The following MEGF6 variants were observed in gnomAD, a reference collection of about 807,000 sequenced individuals.
MEGF6 encodes multiple epidermal growth factor-like domains protein 6.
MEGF6 carries 184 observed loss-of-function variants against 207.1 expected under a neutral mutation model. The observed-to-expected ratio is 0.89, with a 90% CI of 0.79 to 1.00. The LOEUF is 1.00. Among genes scored for constraint, MEGF6 ranks in the 50% least tolerant of loss-of-function variants. The pLI is 0.00. For missense variants in MEGF6, 2,282 were observed against 2,202.9 expected (o/e 1.04, Z -0.72); for synonymous variants, 1,038 against 910.0 (o/e 1.14, Z -2.53).
At chr1:3,518,876 C>T (rs1048935956) in intron 5 of MEGF6, among the ~76,000 whole-genome samples, 1 of 152,204 alleles carries the variant, frequency 6.6e-6, no homozygotes, top group Admixed American at 6.5e-5. Context: ...CCCCTCCAGG[C>T]GGGCCTGCCC....
chr1:3,586,543 G>C (rs1031031060), intron 3 of MEGF6, among the ~76,000 whole-genome samples: 2 of 152,128 alleles, frequency 1.3e-5, no homozygotes, highest in African/African-American at 4.8e-5. Context: ...GGGGGTCACA[G>C]TGGGACAGCA....
In MEGF6 at chr1:3,556,814, G is replaced by A. The variant is rs150112451; in HGVS notation, c.481+23011C>T. ...TCCCAACCACACGCGCTCACAGACC[G>A]GAGAATGTTAAAAACTGCCGAGCCT... On this transcript the variant is annotated intron_variant, in intron 4 of 36. Coordinates refer to ENST00000356575, the MANE Select transcript of MEGF6 (RefSeq NM_001409.4). The surrounding 1 kb of genome is among the most constrained non-coding windows in gnomAD (Gnocchi z 4.4). Among the ~76,000 whole-genome samples the A allele has an allele frequency of 7.9e-5, 12 of 152,294 alleles. No individual in the cohort carries two copies. The highest frequency in any genetic ancestry group is 3.9e-4 in the East Asian group (2 of 5,180).
chr1:3,512,212 G>C, intron 7 of MEGF6, 84 bp from the exon 8 acceptor site: 3 of 1,498,560 alleles, frequency 2.0e-6, no homozygotes, highest in South Asian at 2.7e-5. Context: ...TGCACGGCCT[G>C]CTGACACCCA....
chr1:3,523,464 G>C (rs10797398), intron 5 of MEGF6, among the ~76,000 whole-genome samples: 110,934 of 151,974 alleles, frequency 0.73, 40,617 homozygotes, highest in South Asian at 0.78. Flanking sequence ...GTCCGTGTCC[G>C]CGACACCTCC....
chr1:3,489,587 C>T lies in MEGF6; in HGVS notation c.*941G>A, dbSNP rs947660087. On this transcript the variant is annotated 3_prime_UTR_variant, in exon 37 of 37. Coordinates refer to ENST00000356575, the MANE Select transcript of MEGF6 (RefSeq NM_001409.4). ...CCCCTGCGATGCTGCCCTCCCCCCA[C>T]TGCTGATGCTCAGGTAGGGGTGGGT... is the stretch of plus-strand genomic sequence containing the variant. Among the ~76,000 whole-genome samples, 5 of 152,206 alleles carry T rather than the reference C, an allele frequency of 3.3e-5. No homozygotes were observed. The highest frequency in any genetic ancestry group is 2.0e-4 in the Admixed American group (3 of 15,286).
Position 3,496,029 on chromosome 1 carries a change from G to C in MEGF6, c.3743-11C>G. On this transcript the variant is annotated splice_polypyrimidine_tract_variant and intron_variant, in intron 29 of 36. Transcript: ENST00000356575. Reference sequence around the variant, plus strand: ...GGCCCTGCGGACAGGCTGCCGGGGAGGAAGTGGTGATCGTGGCTGGCTTCC... The same window carrying C: ...GGCCCTGCGGACAGGCTGCCGGGGACGAAGTGGTGATCGTGGCTGGCTTCC... 1 of 1,507,414 alleles carries C rather than the reference G, an allele frequency of 6.6e-7. No individual in the cohort carries two copies. The highest frequency in any genetic ancestry group is 1.3e-5 in the South Asian group (1 of 77,814). The allele number at this position is 1,507,414 out of a possible 1,614,324, so 93.4% of individuals were successfully genotyped here.
upstream of MEGF6, among the ~76,000 whole-genome samples, chr1:3,611,682 C>T (rs546659827): frequency 0.01 from 1,497 of 147,782 alleles, 29 homozygotes; most frequent in African/African-American, 0.036. Context: ...TGTACTTGCC[C>T]GTATCCCTCA....
At chr1:3,522,852 G>C (rs1305055226) in intron 5 of MEGF6, among the ~76,000 whole-genome samples, 1 of 152,188 alleles carries the variant, frequency 6.6e-6, no homozygotes. Context: ...CCCCCCAAGA[G>C]CTGCCTCTTC....
At chr1:3,491,738 C>A (rs902828843) in intron 35 of MEGF6, among the ~76,000 whole-genome samples, 13 of 143,086 alleles carry the variant, frequency 9.1e-5, no homozygotes, top group Non-Finnish European at 1.4e-4. Context: ...CAGAGACAAC[C>A]TTTCCCAACA....
intron 1 of MEGF6, 72 bp from the exon 2 acceptor site, chr1:3,602,672 C>A: frequency 6.5e-7 from 1 of 1,535,182 alleles, no homozygotes; most frequent in Admixed American, 1.9e-5. Flanking sequence ...CCTGCACCCC[C>A]AGCCTTGGGT....
intron 5 of MEGF6, among the ~76,000 whole-genome samples, chr1:3,517,406 C>G (rs926008917): frequency 2.0e-5 from 3 of 152,224 alleles, no homozygotes; most frequent in Admixed American, 2.0e-4. Flanking sequence ...CCCCCCAGAG[C>G]CTGTCCTCTT....
intron 4 of MEGF6, among the ~76,000 whole-genome samples, chr1:3,577,537 G>A (rs1231437408): frequency 6.6e-6 from 1 of 152,242 alleles, no homozygotes; most frequent in Non-Finnish European, 1.5e-5. Context: ...AGCTGATGAG[G>A]TGACGCAGGC....
chr1:3,549,138 T>C (rs1381328084), intron 4 of MEGF6, among the ~76,000 whole-genome samples: 1 of 152,146 alleles, frequency 6.6e-6, no homozygotes, highest in Non-Finnish European at 1.5e-5. Context: ...AGCCAGACCA[T>C]GCAAGCTCTG....
intron 4 of MEGF6, among the ~76,000 whole-genome samples, chr1:3,574,762 C>T (rs1643596680): frequency 6.6e-6 from 1 of 152,224 alleles, no homozygotes; most frequent in Non-Finnish European, 1.5e-5. Flanking sequence ...CCTGCCTCAG[C>T]CTCCTGGGTA....
At chr1:3,619,007 G>T in the MEGF6 span, among the ~76,000 whole-genome samples, 2 of 152,198 alleles carry the variant, frequency 1.3e-5, no homozygotes, top group Non-Finnish European at 1.5e-5. Flanking sequence ...GCACAGGCAG[G>T]ACCCACTGAT....
chr1:3,542,517 T>C (rs1230416344), intron 4 of MEGF6, among the ~76,000 whole-genome samples: 1 of 151,916 alleles, frequency 6.6e-6, no homozygotes, highest in Non-Finnish European at 1.5e-5. Flanking sequence ...CCGAGGACCA[T>C]GGTCAAGAGG....
chr1:3,523,385 C>T (rs563941166), intron 5 of MEGF6, among the ~76,000 whole-genome samples: 3 of 152,286 alleles, frequency 2.0e-5, no homozygotes, highest in South Asian at 4.1e-4. Flanking sequence ...CCCTGCTCAG[C>T]CCTGTGCCGG....
chr1:3,491,128 TG>T (rs34728586), intron 35 of MEGF6, among the ~76,000 whole-genome samples, 169 bp from the exon 36 acceptor site: 18,339 of 129,504 alleles, frequency 0.14, 2,328 homozygotes, highest in African/African-American at 0.33. Context: ...GGGCGGGAGC[TG>T]GGGGGGGGGG....
intron 3 of MEGF6, among the ~76,000 whole-genome samples, chr1:3,591,319 C>T (rs1188656291): frequency 1.3e-5 from 2 of 152,174 alleles, no homozygotes; most frequent in South Asian, 2.1e-4. Context: ...GCCCTGGGCT[C>T]GGTCCCCAGA....
Sources: allele counts gnomAD v4.1 joint callset (sites outside exome capture counted in the v4.1 genomes callset), GRCh38; gene constraint gnomAD v4.1.1; non-coding constraint Gnocchi (gnomAD v3.1); transcripts MANE v1.5; gene names NCBI Gene and HGNC (gene_info 2026-07-23, HGNC 2026-07-21).